TPRX1: variants seen among roughly 807,000 people sequenced by gnomAD.
TPRX1 encodes the protein tetra-peptide repeat homeobox protein 1.
A neutral mutation model predicts 8.1 loss-of-function variants in TPRX1; 2 were observed. That is an observed-to-expected ratio of 0.25 (90% confidence interval 0.10 to 0.78). TPRX1 has a LOEUF of 0.78. Ranked by LOEUF, TPRX1 falls within the 30% of genes least tolerant of loss-of-function variation. The pLI is 0.70. For missense variants in TPRX1, 517 were observed against 586.9 expected (o/e 0.88, Z 1.23); for synonymous variants, 257 against 254.1 (o/e 1.01, Z -0.11).
chr19:47,816,773 C>T (rs985466254), intron 2 of TPRX1, among the ~76,000 whole-genome samples: 2 of 152,036 alleles, frequency 1.3e-5, no homozygotes, highest in Admixed American at 1.3e-4. Context: ...ACCTCGTGAT[C>T]TGCCCGCCTT....
In TPRX1 at chr19:47,808,178, G is replaced by A. The variant is rs371648284; in HGVS notation, c.152-4505C>T. On this transcript the variant is annotated intron_variant, in intron 2 of 3. Transcript: ENST00000535759. ...TGCCCAGGCTGGAGTGCAATGGCGC[G>A]ATCTCAGCTCACTGCAACCTCCGCC... is the stretch of plus-strand genomic sequence containing the variant. 5.0e-4 allele frequency among the ~76,000 whole-genome samples: 76 copies of A among 151,928 alleles called. 1 individual carries two copies. The highest frequency in any genetic ancestry group is 1.8e-3 in the African/African-American group (73 of 41,434).
In TPRX1 at chr19:47,818,340, T is replaced by TCATCCATCCATCCATC. The variant is rs368266036; in HGVS notation, c.151+112_151+127dup. 4.6e-4 allele frequency: 105 copies of TCATCCATCCATCCATC among 228,406 alleles called. 1 individual carries two copies. The African/African-American group carries it at 5.1e-3, about 11-fold the overall frequency. 14.1% of individuals were successfully genotyped at this position (228,406 alleles called of 1,614,324 possible). On this transcript the variant is annotated intron_variant, in intron 2 of 3. Coordinates refer to ENST00000535759, the Ensembl canonical transcript of TPRX1. ...ATCCATCCATCCATCCATCCATCCA[T>TCATCCATCCATCCATC]CATCCATCCATCCATCCATCCATCC...
At chr19:47,802,518 C>A in exon 4 of TPRX1, 2 of 1,544,692 alleles carry the variant, frequency 1.3e-6, no homozygotes, top group Non-Finnish European at 8.7e-7. Context: ...GAGATTGGGC[C>A]TGGGATCGGG....
chr19:47,816,723 G>A (rs564343293), intron 2 of TPRX1, among the ~76,000 whole-genome samples: 20 of 151,514 alleles, frequency 1.3e-4, no homozygotes, highest in Non-Finnish European at 2.4e-4. Context: ...TAGTAGAGAT[G>A]GGGTTTCACC....
chr19:47,806,273 C>T lies in TPRX1; in HGVS notation c.152-2600G>A, dbSNP rs1967734617. Among the ~76,000 whole-genome samples the T allele has an allele frequency of 2.0e-5, 3 of 151,822 alleles. No homozygotes were observed. The South Asian group carries it at 6.2e-4, about 32-fold the overall frequency. ...GTGGCTCACGCCTGTAATCCCAGCA[C>T]TTTGGGAGGCTGAGGTGGACGAATC... On this transcript the variant is annotated intron_variant, in intron 2 of 3. Coordinates refer to ENST00000535759, the Ensembl canonical transcript of TPRX1.
intron 2 of TPRX1, among the ~76,000 whole-genome samples, chr19:47,808,701 G>A (rs180894802): frequency 1.2e-4 from 18 of 146,280 alleles, no homozygotes; most frequent in Non-Finnish European, 2.0e-4. Context: ...AGTGATCCGC[G>A]CACCTTGGCC....
chr19:47,805,772 T>C (rs1029200163), intron 2 of TPRX1, among the ~76,000 whole-genome samples: 6 of 152,202 alleles, frequency 3.9e-5, no homozygotes, highest in African/African-American at 1.4e-4. Flanking sequence ...ACCATGGCTA[T>C]TTATTTGGTC....
chr19:47,816,656 C>T (rs1403785924), intron 2 of TPRX1, among the ~76,000 whole-genome samples: 1 of 151,878 alleles, frequency 6.6e-6, no homozygotes, highest in Non-Finnish European at 1.5e-5. Flanking sequence ...CCTCAGCCTC[C>T]CGAGTAGCTG....
At chr19:47,814,674 T>C (rs563912626) in intron 2 of TPRX1, among the ~76,000 whole-genome samples, 10 of 152,192 alleles carry the variant, frequency 6.6e-5, no homozygotes, top group African/African-American at 1.9e-4. Context: ...CTGGGAATGT[T>C]TTGGAAGGGT....
chr19:47,812,127 A>T (rs1047693546), intron 2 of TPRX1, among the ~76,000 whole-genome samples: 1 of 151,884 alleles, frequency 6.6e-6, no homozygotes, highest in African/African-American at 2.4e-5. Context: ...CGGCCTCCCA[A>T]TGTGCTGGGA....
At chr19:47,803,059 G>C in intron 3 of TPRX1, 79 bp from the exon 3 acceptor site, 1 of 1,443,646 alleles carries the variant, frequency 6.9e-7, no homozygotes, top group Admixed American at 2.5e-5. Context: ...GTCGGGGCCA[G>C]CCTGAAGCCT....
At chr19:47,813,926 CAG>C (rs1376753806) in intron 2 of TPRX1, among the ~76,000 whole-genome samples, 1 of 107,334 alleles carries the variant, frequency 9.3e-6, no homozygotes, top group African/African-American at 3.7e-5. Flanking sequence ...GACCAGAAGA[CAG>C]AGGGGACAGA....
chr19:47,816,002 G>A (rs1599957639), intron 2 of TPRX1, among the ~76,000 whole-genome samples: 2 of 152,142 alleles, frequency 1.3e-5, no homozygotes, highest in Admixed American at 1.3e-4. Context: ...GGGTAGTTGA[G>A]GGCACGGTTT....
intron 2 of TPRX1, among the ~76,000 whole-genome samples, chr19:47,808,579 G>A (rs974077095): frequency 2.1e-5 from 3 of 144,802 alleles, no homozygotes; most frequent in East Asian, 3.9e-4. Context: ...GACTACAGGC[G>A]CCTGCCACCA....
At chr19:47,812,873 A>G (rs1433116432) in intron 2 of TPRX1, among the ~76,000 whole-genome samples, 1 of 151,988 alleles carries the variant, frequency 6.6e-6, no homozygotes, top group African/African-American at 2.4e-5. Context: ...TGGGAGGCCG[A>G]GGCGGGTGGA....
At chr19:47,815,388 C>T (rs1354683726) in intron 2 of TPRX1, among the ~76,000 whole-genome samples, 2 of 139,632 alleles carry the variant, frequency 1.4e-5, no homozygotes, top group African/African-American at 2.6e-5. Flanking sequence ...CTCCTGACCT[C>T]GTGATCCACC....
Position 47,809,749 on chromosome 19 carries a change from G to A in TPRX1, c.152-6076C>T, listed in dbSNP as rs912257494. 3.9e-5 allele frequency among the ~76,000 whole-genome samples: 6 copies of A among 152,096 alleles called. No homozygotes were observed. In the East Asian group the frequency reaches 7.7e-4, roughly 20 times the overall value. ...GGCCTTGAATGCCACCCTAGGACTC[G>A]TCAACACCCTGCCCACAGAAGTCCC... On this transcript the variant is annotated intron_variant, in intron 2 of 3. Coordinates refer to ENST00000535759, the Ensembl canonical transcript of TPRX1.
At chr19:47,802,516 G>A (rs1967685600) in exon 4 of TPRX1, 1 of 1,548,340 alleles carries the variant, frequency 6.5e-7, no homozygotes, top group Non-Finnish European at 8.7e-7. Context: ...CTGAGATTGG[G>A]CCTGGGATCG....
chr19:47,802,845 G>C lies in TPRX1; in HGVS notation c.457C>G (p.Gln153Glu), dbSNP rs1967692915. The change falls in exon 4 of 4, where the codon CAG becomes GAG. Residue 153 changes from glutamine to glutamate, a missense_variant. By Grantham distance (29) the Gln-to-Glu change is conservative. Coordinates refer to ENST00000535759, the Ensembl canonical transcript of TPRX1. ...GGAAGGATTCCCGAGGGGCCCCGCTGAGGTGCGGAGGCAGAGGCTGCAGGG... is the reference window on the plus strand; with the variant it reads ...GGAAGGATTCCCGAGGGGCCCCGCTCAGGTGCGGAGGCAGAGGCTGCAGGG... 4.4e-6 allele frequency: 7 copies of C among 1,600,764 alleles called. No homozygotes were observed. The East Asian group carries it at 1.6e-4, about 36-fold the overall frequency.
Sources: allele counts gnomAD v4.1 joint callset (sites outside exome capture counted in the v4.1 genomes callset), GRCh38; gene constraint gnomAD v4.1.1; transcripts MANE v1.5; gene names NCBI Gene and HGNC (gene_info 2026-07-23, HGNC 2026-07-21).